The following DIAPH1 variants were observed in gnomAD, a reference collection of about 807,000 sequenced individuals.
DIAPH1 encodes the protein diaphanous related formin 1, also known as protein diaphanous homolog 1.
In DIAPH1, 46 loss-of-function variants were observed where a neutral mutation model predicts 140.7. That is an observed-to-expected ratio of 0.33 (90% CI 0.26 to 0.42). The LOEUF is 0.42. DIAPH1 is among the 10% of genes least tolerant of loss of function. The pLI, the probability that DIAPH1 is intolerant of heterozygous loss-of-function variation, is 1.00. For missense variants in DIAPH1, 1,310 were observed against 1,558.7 expected, an observed-to-expected ratio of 0.84 and a Z score of 2.69; for synonymous variants, 565 against 551.6, an observed-to-expected ratio of 1.02 and a Z score of -0.34.
chr5:141,603,321 T>A (rs1596406389), intron 1 of DIAPH1, among the ~76,000 whole-genome samples: 1 of 152,218 alleles, frequency 6.6e-6, no homozygotes, highest in Non-Finnish European at 1.5e-5. Context: ...TCATGTTGTA[T>A]ACCATAAACA....
intron 18 of DIAPH1, among the ~76,000 whole-genome samples, chr5:141,567,300 T>A (rs1463247035): frequency 6.6e-6 from 1 of 152,168 alleles, no homozygotes; most frequent in South Asian, 2.1e-4. Context: ...GACAGTGAGA[T>A]GACAACCTGG....
Position 141,573,987 on chromosome 5 carries a change from C to T in DIAPH1, c.1863G>A (p.Leu621=). 6.5e-7 allele frequency: 1 copy of T among 1,535,118 alleles called. No homozygotes were observed. The highest frequency in any genetic ancestry group is 8.8e-7 in the Non-Finnish European group (1 of 1,139,494). ...GTGAGGAGATGCAAACACCCCCAGG[C>T]AAAGGAGGTGGAGGAGGAGGAGGAG... The part of the protein sequence containing the change: ...PPPPPPPPPP[L]PGGVCISSPP... Residue 621 remains leucine, a synonymous_variant, in exon 16 of 28, where the codon TTG becomes TTA. Coordinates refer to ENST00000389054, the MANE Select transcript of DIAPH1 (RefSeq NM_005219.5).
intron 6 of DIAPH1, among the ~76,000 whole-genome samples, chr5:141,582,995 T>C (rs1435545084): frequency 6.6e-6 from 1 of 152,194 alleles, no homozygotes; most frequent in East Asian, 1.9e-4. Flanking sequence ...ATTGAACTTA[T>C]CCAACATGAA....
chr5:141,547,333 C>T (rs973460879), intron 18 of DIAPH1, among the ~76,000 whole-genome samples: 2 of 152,098 alleles, frequency 1.3e-5, no homozygotes, highest in African/African-American at 4.8e-5. Flanking sequence ...GGCACGGTGG[C>T]AGGTGCCTGT....
chr5:141,544,268 C>A (rs910181599), intron 18 of DIAPH1, among the ~76,000 whole-genome samples: 4 of 151,960 alleles, frequency 2.6e-5, no homozygotes, highest in Non-Finnish European at 5.9e-5. Flanking sequence ...TGAGATGGCA[C>A]CACTGCACTC....
chr5:141,534,416 C>G lies in DIAPH1; in HGVS notation c.2500G>C (p.Gly834Arg). The G allele has an allele frequency of 6.2e-7, 1 of 1,613,432 alleles. No individual in the cohort carries two copies. The highest frequency in any genetic ancestry group is 8.5e-7 in the Non-Finnish European group (1 of 1,179,834). ...KTSKAKKDQE[G>R]GEEKKSVQKK... ...TGCACAGATTTCTTTTCTTCTCCACCTTCTTGATCCTTCTTGGCTAGCAGG... is the reference window on the plus strand; with the variant it reads ...TGCACAGATTTCTTTTCTTCTCCACGTTCTTGATCCTTCTTGGCTAGCAGG... The change falls in exon 19 of 28, where the codon GGT (glycine) becomes CGT (arginine). Residue 834 changes from glycine to arginine, a missense_variant. Physicochemically the swap from Gly to Arg is moderately radical, Grantham distance 125 (BLOSUM62 -2). Transcript: ENST00000389054.
chr5:141,595,500 T>C (rs1018126430), intron 1 of DIAPH1, among the ~76,000 whole-genome samples: 4 of 152,102 alleles, frequency 2.6e-5, no homozygotes, highest in African/African-American at 7.2e-5. Context: ...GTGGAGGTAA[T>C]AGGATCATGG....
At position 141,616,314 on chromosome 5, in the gene DIAPH1, A is replaced by G. The variant is rs80147513; in HGVS notation, c.117+2484T>C. On this transcript the variant is annotated intron_variant, in intron 1 of 27. Transcript: ENST00000389054. ...CCTGCATAAGCCAGGAAAGGTATGT[A>G]GCAGCTAAAGGAATTATAAACCCTC... is the stretch of plus-strand genomic sequence containing the variant. Among the ~76,000 whole-genome samples, 20 of 152,366 alleles carry G rather than the reference A, an allele frequency of 1.3e-4. No individual in the cohort carries two copies. The East Asian group carries it at 3.9e-3, about 29-fold the overall frequency.
At chr5:141,564,985 T>C (rs1287190513) in intron 18 of DIAPH1, 1 of 152,230 alleles carries the variant, frequency 6.6e-6, no homozygotes, top group Non-Finnish European at 1.5e-5. Context: ...ATCTTATACC[T>C]AGCAACTTGG....
At chr5:141,545,380 A>G (rs976234632) in intron 18 of DIAPH1, among the ~76,000 whole-genome samples, 6 of 152,224 alleles carry the variant, frequency 3.9e-5, no homozygotes, top group Admixed American at 1.3e-4. Flanking sequence ...AGCTGGACAC[A>G]GTGGCTCATG....
In DIAPH1 at chr5:141,529,695, T is replaced by C. The variant is rs781089562; in HGVS notation, c.2584A>G (p.Ile862Val). The C allele has an allele frequency of 7.4e-6, 12 of 1,613,614 alleles. No homozygotes were observed. The highest frequency in any genetic ancestry group is 1.6e-4 in the Middle Eastern group (1 of 6,082). The change falls in exon 20 of 28, where the codon ATC (isoleucine) becomes GTC (valine). Residue 862 changes from isoleucine (I) to valine (V), a missense_variant and splice_region_variant. Ile to Val is a conservative substitution (Grantham distance 29). Coordinates refer to ENST00000389054, the MANE Select transcript of DIAPH1 (RefSeq NM_005219.5). Reference protein sequence around the residue: ...LDSKTAQNLSIFLGSFRMPYQ... With the variant: ...LDSKTAQNLSVFLGSFRMPYQ... ...GGCATGCGGAAGGAACCCAAAAAGA[T>C]TGCTGCCAGAAAATGAGATATTAAG...
At chr5:141,537,784 G>C (rs1020381364) in intron 18 of DIAPH1, among the ~76,000 whole-genome samples, 1 of 152,284 alleles carries the variant, frequency 6.6e-6, no homozygotes, top group Non-Finnish European at 1.5e-5. Context: ...TTATGTATTA[G>C]ACTGGGATAG....
intron 18 of DIAPH1, among the ~76,000 whole-genome samples, chr5:141,559,547 A>G (rs955037369): frequency 2.6e-5 from 4 of 152,256 alleles, no homozygotes; most frequent in Admixed American, 6.5e-5. Flanking sequence ...GGGGACAGAT[A>G]TAAGTCTGGA....
intron 18 of DIAPH1, among the ~76,000 whole-genome samples, chr5:141,570,012 AG>A (rs1167479064): frequency 1.3e-5 from 2 of 152,142 alleles, no homozygotes; most frequent in Non-Finnish European, 2.9e-5. Context: ...TTTGTGACTA[AG>A]GGGGCCACTT....
chr5:141,587,421 G>A (rs2099897703), intron 2 of DIAPH1: 2 of 576,420 alleles, frequency 3.5e-6, no homozygotes, highest in African/African-American at 1.9e-5. Flanking sequence ...GAGGACCAAA[G>A]TATTAAGATT....
rs367605861 is a variant in DIAPH1 at position 141,584,108 on chromosome 5, C to T, written c.402+16G>A. 1.2e-5 allele frequency: 19 copies of T among 1,538,896 alleles called. No individual in the cohort carries two copies. The highest frequency in any genetic ancestry group is 1.7e-5 in the Non-Finnish European group (19 of 1,112,250). On this transcript the variant is annotated intron_variant, in intron 4 of 27. Transcript: ENST00000389054. ...GCACAGTCTCCCATGTCATGGGTAC[C>T]TGTCCCAGGACTCACAGCCTTGGAG...
intron 1 of DIAPH1, among the ~76,000 whole-genome samples, chr5:141,607,150 T>C (rs1051858146): frequency 6.6e-6 from 1 of 152,164 alleles, no homozygotes; most frequent in Non-Finnish European, 1.5e-5. Context: ...TAAACATATA[T>C]TTTTGCATTC....
chr5:141,526,847 C>A (rs1328791747), intron 24 of DIAPH1, among the ~76,000 whole-genome samples: 8 of 123,384 alleles, frequency 6.5e-5, no homozygotes, highest in Non-Finnish European at 1.2e-4. Context: ...CAGGCGCGCA[C>A]CATCACGCCC....
intron 26 of DIAPH1, among the ~76,000 whole-genome samples, chr5:141,525,210 TC>T (rs1332354552): frequency 6.6e-6 from 1 of 152,152 alleles, no homozygotes; most frequent in Non-Finnish European, 1.5e-5. Context: ...GCAAGAGGTA[TC>T]AGAGCAGCCC....
Sources: allele counts gnomAD v4.1 joint callset (sites outside exome capture counted in the v4.1 genomes callset), GRCh38; gene constraint gnomAD v4.1.1; transcripts MANE v1.5; gene names NCBI Gene and HGNC (gene_info 2026-07-23, HGNC 2026-07-21).